RASSF3: variants seen among roughly 807,000 people sequenced by gnomAD.
The protein encoded by RASSF3 is Ras association domain family member 3.
Under a neutral mutation model 19.9 loss-of-function variants are expected in RASSF3, and 19 were observed. The ratio of observed to expected loss-of-function variants is 0.96; its 90% CI spans 0.67 to 1.40. The LOEUF (loss-of-function observed/expected upper bound fraction) is 1.40, where lower values mean the gene tolerates loss of function less well. RASSF3 is among the 40% of genes most tolerant of loss of function. RASSF3 has a pLI of 0.00. For synonymous variants in RASSF3, 110 were observed against 104.2 expected, an observed-to-expected ratio of 1.06 and a Z score of -0.34; for missense variants, 306 against 289.8, an observed-to-expected ratio of 1.06 and a Z score of -0.41.
At chr12:64,624,092 T>A (rs779825631) in intron 1 of RASSF3, among the ~76,000 whole-genome samples, 10 of 151,982 alleles carry the variant, frequency 6.6e-5, no homozygotes, top group Admixed American at 6.5e-5. Flanking sequence ...GTATCCAAAT[T>A]AGTATTTGTG....
rs904243096 is a variant in RASSF3, at chr12:64,526,545, T to G, written c.170-15036T>G. On this transcript the variant is annotated intron_variant, in intron 1 of 5. Transcript: ENST00000637125. ...AAACTTTTTAAAAAATGAGTTGTTT[T>G]TTTTTTAAATTTTTTAAAGACAGGG... Among the ~76,000 whole-genome samples, 8 of 152,254 alleles carry G rather than the reference T, an allele frequency of 5.3e-5. No homozygotes were observed. In the East Asian group the frequency reaches 5.8e-4, roughly 11 times the overall value.
At chr12:64,560,595 G>A (rs947987094) in intron 2 of RASSF3, among the ~76,000 whole-genome samples, 7 of 152,190 alleles carry the variant, frequency 4.6e-5, no homozygotes, top group Non-Finnish European at 1.0e-4. Flanking sequence ...AACTATCCAC[G>A]CCCCGTATAT....
intron 2 of RASSF3, among the ~76,000 whole-genome samples, chr12:64,687,318 C>T (rs1222171912): frequency 1.3e-5 from 2 of 151,844 alleles, no homozygotes; most frequent in Non-Finnish European, 2.9e-5. Flanking sequence ...ATACTGAATA[C>T]AAAAATAAAA....
intron 2 of RASSF3, among the ~76,000 whole-genome samples, chr12:64,561,796 G>A (rs866410095): frequency 3.6e-5 from 5 of 139,510 alleles, no homozygotes; most frequent in Middle Eastern, 4.6e-3. Flanking sequence ...GGGTTCAAAT[G>A]ATTCTTGTGT....
chr12:64,530,888 A>G (rs1005763075), upstream of RASSF3, among the ~76,000 whole-genome samples: 1 of 152,008 alleles, frequency 6.6e-6, no homozygotes, highest in African/African-American at 2.4e-5. Flanking sequence ...CTGTTTATGT[A>G]TTTTGCCCAT....
chr12:64,610,474 C>T (rs897552426), upstream of RASSF3: 2 of 250,348 alleles, frequency 8.0e-6, no homozygotes, highest in Non-Finnish European at 1.5e-5. Context: ...GGGGAGGCGG[C>T]AGGAGGGGCC....
intron 1 of RASSF3, among the ~76,000 whole-genome samples, chr12:64,669,236 A>G (rs542644462): frequency 6.6e-6 from 1 of 152,316 alleles, no homozygotes; most frequent in East Asian, 1.9e-4. Context: ...CTCTATATGA[A>G]CAAGTTCCTA....
At chr12:64,599,758 C>T (rs761998837) in intron 2 of RASSF3, among the ~76,000 whole-genome samples, 6 of 152,118 alleles carry the variant, frequency 3.9e-5, no homozygotes, top group African/African-American at 4.8e-5. Context: ...ATAAGCCGGG[C>T]GCGGTGGCTC....
chr12:64,588,226 C>G (rs893900125), intron 2 of RASSF3, among the ~76,000 whole-genome samples: 4 of 152,064 alleles, frequency 2.6e-5, no homozygotes, highest in African/African-American at 9.7e-5. Context: ...GCCTTTTGCT[C>G]TGGGGATGAA....
intron 2 of RASSF3, among the ~76,000 whole-genome samples, chr12:64,580,187 A>C (rs1869668533): frequency 6.6e-6 from 1 of 152,126 alleles, no homozygotes; most frequent in African/African-American, 2.4e-5. Context: ...CAAGTTTGGA[A>C]AGAACTTTCA....
downstream of RASSF3, among the ~76,000 whole-genome samples, chr12:64,542,395 T>C (rs551623348): frequency 2.6e-5 from 4 of 152,320 alleles, no homozygotes; most frequent in Admixed American, 2.6e-4. Context: ...CAGGTTTTAC[T>C]GGTTAAAGCA....
intron 1 of RASSF3, among the ~76,000 whole-genome samples, chr12:64,637,775 G>C (rs774610448): frequency 3.3e-5 from 5 of 151,580 alleles, no homozygotes; most frequent in Non-Finnish European, 5.9e-5. Context: ...GTGTGTATGT[G>C]ACTGGGCTGG....
At chr12:64,566,734 C>G (rs1254679767) in intron 2 of RASSF3, among the ~76,000 whole-genome samples, 1 of 152,048 alleles carries the variant, frequency 6.6e-6, no homozygotes, top group African/African-American at 2.4e-5. Flanking sequence ...CTGTGAGAAG[C>G]CCACAGTGAG....
Position 64,629,984 on chromosome 12 carries a change from GAAAA to G in RASSF3, c.111+19245_111+19248del, listed in dbSNP as rs1000344766. The G allele has an allele frequency of 3.3e-3, 442 of 135,946 alleles. 1 individual carries two copies. Among genetic ancestry groups the G allele is most frequent in the African/African-American group, 0.011 (420 of 37,082 alleles). The allele number at this position is 135,946 out of a possible 1,614,324, so 8.4% of individuals were successfully genotyped here. On this transcript the variant is annotated intron_variant, in intron 1 of 4. Coordinates refer to ENST00000542104, the MANE Select transcript of RASSF3 (RefSeq NM_178169.4). ...CTCAAAAAAAAAAAAAAAAGAAAAA[GAAAA>G]AAAGAACAAGAAAGAAAAATGGTTT... is the stretch of plus-strand genomic sequence containing the variant.
At chr12:64,547,163 T>C (rs1236314115) in intron 2 of RASSF3, among the ~76,000 whole-genome samples, 1 of 151,398 alleles carries the variant, frequency 6.6e-6, no homozygotes, top group Admixed American at 6.6e-5. Context: ...TCCCTGCTAC[T>C]CAGGAGACTG....
At chr12:64,582,475 A>C (rs1869719653) in intron 2 of RASSF3, among the ~76,000 whole-genome samples, 1 of 152,190 alleles carries the variant, frequency 6.6e-6, no homozygotes, top group Non-Finnish European at 1.5e-5. Context: ...CATAGATGAT[A>C]ATTTAGAGCC....
chr12:64,538,411 T>C (rs910733803), intron 1 of RASSF3, among the ~76,000 whole-genome samples: 1 of 152,198 alleles, frequency 6.6e-6, no homozygotes, highest in East Asian at 1.9e-4. Context: ...CACATGTTGA[T>C]GTACGAGTGG....
chr12:64,680,654 C>T (rs1873089846), intron 1 of RASSF3, among the ~76,000 whole-genome samples: 1 of 152,014 alleles, frequency 6.6e-6, no homozygotes, highest in South Asian at 2.1e-4. Context: ...CGCTCTGTCG[C>T]CCAGGCTGGA....
chr12:64,574,101 A>G (rs943260119), intron 2 of RASSF3, among the ~76,000 whole-genome samples: 8 of 151,870 alleles, frequency 5.3e-5, no homozygotes, highest in African/African-American at 1.9e-4. Flanking sequence ...TCAGGAGTTC[A>G]AGACCAACCT....
Sources: allele counts gnomAD v4.1 joint callset (sites outside exome capture counted in the v4.1 genomes callset), GRCh38; gene constraint gnomAD v4.1.1; transcripts MANE v1.5; gene names NCBI Gene and HGNC (gene_info 2026-07-23, HGNC 2026-07-21).